Variants in MCTP1 observed in about 807,000 individuals in gnomAD.
The protein encoded by MCTP1 is multiple C2 and transmembrane domain-containing protein 1.
A neutral mutation model predicts 120.6 loss-of-function variants in MCTP1; 69 were observed. That is an observed-to-expected ratio of 0.57 (90% CI 0.47 to 0.70). The LOEUF (loss-of-function observed/expected upper bound fraction) is 0.70, where lower values mean the gene tolerates loss of function less well. MCTP1 is among the 30% of genes least tolerant of loss of function. The probability of loss-of-function intolerance (pLI) is 0.00; values close to 1 mark genes in which losing one functional copy is unlikely to be tolerated. For synonymous variants in MCTP1, 529 were observed against 493.1 expected (o/e 1.07, Z -0.96); for missense variants, 1,203 against 1,248.8 (o/e 0.96, Z 0.55).
intron 17 of MCTP1, among the ~76,000 whole-genome samples, chr5:94,837,309 A>T (rs1790012565): frequency 6.6e-6 from 1 of 152,194 alleles, no homozygotes; most frequent in East Asian, 1.9e-4. Context: ...TGAGCCCAGG[A>T]GATTGAAACT....
At position 95,054,495 on chromosome 5, in the gene MCTP1, T is replaced by C. The variant is rs567590014; in HGVS notation, c.721-37011A>G. On this transcript the variant is annotated intron_variant, in intron 1 of 22. Transcript: ENST00000515393. ...TTCTGAGATGTCTGAGGACTGAGTATCACCCACTTGACAAATACAATCAAG... is the reference window on the plus strand; with the variant it reads ...TTCTGAGATGTCTGAGGACTGAGTACCACCCACTTGACAAATACAATCAAG... Among the ~76,000 whole-genome samples, 45 of 152,338 alleles carry C rather than the reference T, an allele frequency of 3.0e-4. No individual in the cohort carries two copies. The South Asian group carries it at 9.3e-3, about 32-fold the overall frequency.
chr5:94,726,160 C>A (rs1409383943), intron 19 of MCTP1, among the ~76,000 whole-genome samples: 3 of 152,182 alleles, frequency 2.0e-5, no homozygotes, highest in African/African-American at 7.2e-5. Flanking sequence ...CCTCAAACTT[C>A]TGCCTCAATT....
At chr5:94,739,073 T>G (rs1764921587) in intron 19 of MCTP1, 1 of 152,230 alleles carries the variant, frequency 6.6e-6, no homozygotes, top group South Asian at 2.1e-4. Flanking sequence ...AAGAGAGCAG[T>G]TCTTTGATTA....
chr5:94,943,357 C>T (rs1818188764), intron 3 of MCTP1, among the ~76,000 whole-genome samples: 1 of 152,018 alleles, frequency 6.6e-6, no homozygotes, highest in Non-Finnish European at 1.5e-5. Context: ...TGATGTGTTT[C>T]ACACATCAGT....
chr5:95,097,054 T>C (rs1255742696), intron 1 of MCTP1, among the ~76,000 whole-genome samples: 2 of 152,168 alleles, frequency 1.3e-5, no homozygotes, highest in African/African-American at 4.8e-5. Flanking sequence ...CAATATTTTT[T>C]ATAACTTTTT....
intron 18 of MCTP1, among the ~76,000 whole-genome samples, chr5:94,798,017 A>T (rs994676826): frequency 1.3e-5 from 2 of 151,972 alleles, no homozygotes; most frequent in Non-Finnish European, 2.9e-5. Context: ...ATTCTGCATA[A>T]TTATGGGCAC....
intron 11 of MCTP1, 50 bp from the exon 12 acceptor site, chr5:94,889,022 T>A: frequency 8.2e-7 from 1 of 1,220,150 alleles, no homozygotes; most frequent in Non-Finnish European, 1.2e-6. Context: ...CAAGGAGTCT[T>A]AAAGAGTGTG....
Position 94,705,477 on chromosome 5 carries a change from C to A in MCTP1, c.*2019G>T. On this transcript the variant is annotated 3_prime_UTR_variant, in exon 23 of 23. Transcript: ENST00000515393. ...GTGACATATAGTTTTTAAGAATATGCACACAATCCCTCATCAATCTCTGAA... is the reference window on the plus strand; with the variant it reads ...GTGACATATAGTTTTTAAGAATATGAACACAATCCCTCATCAATCTCTGAA... 7.1e-6 allele frequency: 1 copy of A among 141,772 alleles called. No homozygotes were observed. Among genetic ancestry groups the A allele is most frequent in the Non-Finnish European group, 1.5e-5 (1 of 65,422 alleles). 8.8% of individuals were successfully genotyped at this position (141,772 alleles called of 1,614,324 possible). A position where few individuals can be genotyped will look rare whatever the true frequency, so the allele number is the denominator to read the frequency against.
intron 2 of MCTP1, among the ~76,000 whole-genome samples, chr5:94,955,112 G>C (rs1050583496): frequency 2.6e-5 from 4 of 152,164 alleles, no homozygotes; most frequent in African/African-American, 9.7e-5. Context: ...GCCCACAGAG[G>C]GTGAGCAGAA....
chr5:95,003,022 A>G (rs898300210), intron 2 of MCTP1, among the ~76,000 whole-genome samples: 15 of 152,094 alleles, frequency 9.9e-5, no homozygotes, highest in Non-Finnish European at 1.9e-4. Flanking sequence ...TTCTTATGAC[A>G]TCTGATGGTT....
chr5:95,060,691 G>C (rs1003948464), intron 1 of MCTP1, among the ~76,000 whole-genome samples: 1 of 152,080 alleles, frequency 6.6e-6, no homozygotes, highest in African/African-American at 2.4e-5. Context: ...GAAGAATCTG[G>C]CCGGGCACGG....
intron 1 of MCTP1, among the ~76,000 whole-genome samples, chr5:95,088,802 A>T (rs1433732937): frequency 2.0e-5 from 3 of 152,196 alleles, no homozygotes; most frequent in Non-Finnish European, 4.4e-5. Flanking sequence ...CATTCTGATA[A>T]GGAAACTGAG....
At chr5:94,826,272 C>G in intron 17 of MCTP1, 1 of 458,494 alleles carries the variant, frequency 2.2e-6, no homozygotes, top group South Asian at 2.3e-5. Context: ...TTTGGGAACC[C>G]CCATGCAATA....
At chr5:94,957,821 G>A (rs567815125) in intron 2 of MCTP1, among the ~76,000 whole-genome samples, 18 of 152,234 alleles carry the variant, frequency 1.2e-4, no homozygotes, top group Non-Finnish European at 2.4e-4. Context: ...AATAATAGTG[G>A]GAGACTTTAA....
chr5:94,848,771 CACTT>C (rs1476066626), intron 17 of MCTP1, among the ~76,000 whole-genome samples: 1 of 151,548 alleles, frequency 6.6e-6, no homozygotes, highest in Non-Finnish European at 1.5e-5. Flanking sequence ...ATAAATAAAA[CACTT>C]TATTTTACAA....
chr5:95,020,460 TC>T (rs1293924670), intron 1 of MCTP1, among the ~76,000 whole-genome samples: 1 of 152,066 alleles, frequency 6.6e-6, no homozygotes, highest in Non-Finnish European at 1.5e-5. Context: ...TGTTCTCTTT[TC>T]TGCTGTGTTG....
chr5:94,996,615 G>T (rs761107036), intron 2 of MCTP1, among the ~76,000 whole-genome samples: 8 of 152,110 alleles, frequency 5.3e-5, no homozygotes, highest in Non-Finnish European at 1.2e-4. Context: ...GTAAATCATT[G>T]TTATACTGTA....
rs1754466120 is a variant in MCTP1 at position 94,705,963 on chromosome 5, C to G, written c.*1533G>C. The stretch of plus-strand genomic sequence containing the variant: ...TTGACATTCAAGCATAGTATATAAA[C>G]AGATCAAAATAGTTCTATTATAAGA... On this transcript the variant is annotated 3_prime_UTR_variant, in exon 23 of 23. Transcript: ENST00000515393. 6.6e-6 allele frequency: 1 copy of G among 151,544 alleles called. No individual in the cohort carries two copies. 9.4% of individuals were successfully genotyped at this position (151,544 alleles called of 1,614,324 possible).
At chr5:94,815,127 A>G (rs1340662808) in intron 17 of MCTP1, among the ~76,000 whole-genome samples, 3 of 152,186 alleles carry the variant, frequency 2.0e-5, no homozygotes, top group African/African-American at 4.8e-5. Flanking sequence ...TTTTCTCAAT[A>G]TATTACATCA....
Sources: gnomAD v4.1 joint callset for allele counts (sites outside exome capture counted in the v4.1 genomes callset) on GRCh38, gnomAD v4.1.1 for gene constraint, MANE v1.5 for transcripts, NCBI Gene and HGNC (gene_info 2026-07-23, HGNC 2026-07-21) for gene names.